The following DPYD variants were observed in gnomAD, a reference collection of about 807,000 sequenced individuals.
The protein encoded by DPYD is dihydropyrimidine dehydrogenase [NADP(+)].
DPYD carries 109 observed loss-of-function variants against 116.2 expected under a neutral mutation model. The ratio of observed to expected loss-of-function variants is 0.94; its 90% CI spans 0.80 to 1.10. The LOEUF is 1.10. DPYD is among the 50% of genes least tolerant of loss of function. DPYD has a pLI of 0.00. For missense variants in DPYD, 1,302 were observed against 1,254.5 expected (o/e 1.04, Z -0.57); for synonymous variants, 440 against 432.0 (o/e 1.02, Z -0.23).
chr1:97,229,546 GTATATATATA>G (rs55638142), intron 19 of DPYD, among the ~76,000 whole-genome samples: 3,802 of 57,928 alleles, frequency 0.066, 90 homozygotes, highest in African/African-American at 0.11. Flanking sequence ...ACCATCCTAA[GTATATATATA>G]TATATATATA....
intron 14 of DPYD, among the ~76,000 whole-genome samples, chr1:97,436,291 T>A (rs891824244): frequency 3.3e-5 from 5 of 152,060 alleles, no homozygotes; most frequent in Admixed American, 6.6e-5. Context: ...ATTGATATTA[T>A]GTAAGCGAGC....
At chr1:97,154,153 C>T (rs1401964593) in intron 20 of DPYD, among the ~76,000 whole-genome samples, 4 of 151,792 alleles carry the variant, frequency 2.6e-5, no homozygotes, top group Admixed American at 6.6e-5. Context: ...GGGTATCTAC[C>T]CAGAAGAAAA....
chr1:97,589,126 C>T (rs1287878560), intron 10 of DPYD, among the ~76,000 whole-genome samples: 1 of 152,176 alleles, frequency 6.6e-6, no homozygotes, highest in Non-Finnish European at 1.5e-5. Flanking sequence ...TTGAAAACCT[C>T]TACATTAGAG....
At chr1:97,270,392 T>C (rs1664501919) in intron 18 of DPYD, among the ~76,000 whole-genome samples, 1 of 152,350 alleles carries the variant, frequency 6.6e-6, no homozygotes, top group Non-Finnish European at 1.5e-5. Context: ...ATTTCTCATA[T>C]TCAAGCTATT....
At chr1:97,752,749 G>A (rs755268212) in intron 3 of DPYD, among the ~76,000 whole-genome samples, 15 of 152,108 alleles carry the variant, frequency 9.9e-5, no homozygotes, top group Non-Finnish European at 2.1e-4. Flanking sequence ...GAGCCATTCT[G>A]ATCTCTCTAA....
chr1:97,525,745 T>G (rs987596830), intron 12 of DPYD, among the ~76,000 whole-genome samples: 7 of 114,024 alleles, frequency 6.1e-5, no homozygotes, highest in African/African-American at 2.3e-4. Flanking sequence ...AGTAAGTAAT[T>G]GCCCTGGGTA....
chr1:97,411,195 C>T (rs1294450309), intron 14 of DPYD, among the ~76,000 whole-genome samples: 1 of 152,126 alleles, frequency 6.6e-6, no homozygotes, highest in East Asian at 1.9e-4. Context: ...TAATACTCAT[C>T]CTCTTTTTCC....
At chr1:97,547,108 T>G (rs1413980291) in intron 12 of DPYD, 1 of 794,408 alleles carries the variant, frequency 1.3e-6, no homozygotes, top group Non-Finnish European at 2.2e-6. Flanking sequence ...ATAATATAAC[T>G]AGGCAGTGGC....
intron 5 of DPYD, among the ~76,000 whole-genome samples, chr1:97,701,654 T>C (rs1661604644): frequency 6.6e-6 from 1 of 151,818 alleles, no homozygotes; most frequent in Non-Finnish European, 1.5e-5. Flanking sequence ...CAAACTATTG[T>C]AAATAAAGTC....
Position 97,818,656 on chromosome 1 carries a change from T to C in DPYD, c.233+9458A>G, listed in dbSNP as rs139852326. ...ATTTGGGCCATTTGAGCAGTGAGAT[T>C]GGAAACTGAGTGTCAAATCTTGCTT... On this transcript the variant is annotated intron_variant, in intron 3 of 22. Transcript: ENST00000370192. 2.3e-3 allele frequency among the ~76,000 whole-genome samples: 357 copies of C among 152,164 alleles called. 2 individuals are homozygous for C. The highest frequency in any genetic ancestry group is 8.3e-3 in the African/African-American group (345 of 41,570).
intron 19 of DPYD, among the ~76,000 whole-genome samples, chr1:97,228,214 C>T (rs1322262991): frequency 6.6e-6 from 1 of 151,300 alleles, no homozygotes; most frequent in African/African-American, 2.4e-5. Context: ...AGTAGGGTCT[C>T]AATACATATT....
intron 19 of DPYD, among the ~76,000 whole-genome samples, chr1:97,228,636 T>C (rs552722682): frequency 1.3e-5 from 2 of 152,214 alleles, no homozygotes; most frequent in Non-Finnish European, 2.9e-5. Flanking sequence ...TATACTCTAG[T>C]GTATCAGCAC....
intron 14 of DPYD, among the ~76,000 whole-genome samples, chr1:97,418,684 A>G (rs1208570640): frequency 2.0e-5 from 3 of 152,206 alleles, no homozygotes; most frequent in African/African-American, 7.2e-5. Flanking sequence ...CAACATAAAT[A>G]TATCAATGAA....
intron 5 of DPYD, among the ~76,000 whole-genome samples, chr1:97,706,436 A>C (rs988440057): frequency 6.6e-6 from 1 of 152,080 alleles, no homozygotes; most frequent in Non-Finnish European, 1.5e-5. Flanking sequence ...GCACAAATTT[A>C]TTATGAAAAT....
intron 8 of DPYD, among the ~76,000 whole-genome samples, chr1:97,656,050 C>T (rs1344546887): frequency 6.6e-6 from 1 of 152,166 alleles, no homozygotes; most frequent in Non-Finnish European, 1.5e-5. Context: ...TTCCTGAGCT[C>T]TAATTTTGTC....
At chr1:97,854,400 T>C (rs1340361679) in intron 2 of DPYD, among the ~76,000 whole-genome samples, 2 of 152,206 alleles carry the variant, frequency 1.3e-5, no homozygotes, top group African/African-American at 4.8e-5. Flanking sequence ...AAAAATAACA[T>C]ATAATACATT....
intron 13 of DPYD, among the ~76,000 whole-genome samples, chr1:97,468,426 C>T (rs146478275): frequency 1.3e-5 from 2 of 151,940 alleles, no homozygotes; most frequent in Non-Finnish European, 2.9e-5. Context: ...TAGAAGAGAC[C>T]CCTAGAGAGA....
intron 8 of DPYD, among the ~76,000 whole-genome samples, chr1:97,659,482 T>TA (rs1659129889): frequency 1.3e-5 from 2 of 152,152 alleles, no homozygotes; most frequent in African/African-American, 4.8e-5. Flanking sequence ...TCTGAACAGT[T>TA]ACAGTTTAAA....
chr1:97,776,743 T>C (rs1249065646), intron 3 of DPYD, among the ~76,000 whole-genome samples: 3 of 152,200 alleles, frequency 2.0e-5, no homozygotes, highest in Non-Finnish European at 2.9e-5. Flanking sequence ...TGAAGCATTT[T>C]CCTTCCTTGG....
Sources: allele counts gnomAD v4.1 joint callset (sites outside exome capture counted in the v4.1 genomes callset), GRCh38; gene constraint gnomAD v4.1.1; transcripts MANE v1.5; gene names NCBI Gene and HGNC (gene_info 2026-07-23, HGNC 2026-07-21).